GPR161: variants seen among roughly 807,000 people sequenced by gnomAD.
GPR161 encodes the protein G protein-coupled receptor 161.
Under a neutral mutation model 39.2 loss-of-function variants are expected in GPR161, and 25 were observed. The ratio of observed to expected loss-of-function variants is 0.64; its 90% CI spans 0.47 to 0.89. The LOEUF is 0.89. Ranked by LOEUF, GPR161 falls within the 40% of genes least tolerant of loss-of-function variation. The probability of loss-of-function intolerance (pLI) is 0.00; values close to 1 mark genes in which losing one functional copy is unlikely to be tolerated. For synonymous variants in GPR161, 286 were observed against 276.6 expected (o/e 1.03, Z -0.34); for missense variants, 547 against 677.8 (o/e 0.81, Z 2.14).
At chr1:168,134,624 A>G (rs150906925) in intron 1 of GPR161, among the ~76,000 whole-genome samples, 62 of 152,336 alleles carry the variant, frequency 4.1e-4, no homozygotes, top group African/African-American at 1.2e-3. Flanking sequence ...GCCTGCACAC[A>G]TAATTTGGTT....
chr1:168,096,506 A>T lies in GPR161; in HGVS notation c.1099+2T>A, dbSNP rs1180113989. ...GGGCTATCCTAACAATGCCCAAGTT[A>T]CCTGTGATCCTGTTGGAAATGCTGA... On this transcript the variant is annotated splice_donor_variant, in intron 3 of 5. Transcript: ENST00000682931. LOFTEE classifies it high-confidence loss of function. 6.2e-7 allele frequency: 1 copy of T among 1,611,834 alleles called. No homozygotes were observed. The highest frequency in any genetic ancestry group is 1.7e-5 in the Admixed American group (1 of 59,880).
intron 1 of GPR161, among the ~76,000 whole-genome samples, chr1:168,123,097 T>A (rs2102238651): frequency 6.6e-6 from 1 of 152,312 alleles, no homozygotes; most frequent in South Asian, 2.1e-4. Context: ...TCCATTCTCC[T>A]CTTCTATCAA....
intron 3 of GPR161, among the ~76,000 whole-genome samples, chr1:168,092,206 G>A (rs1310178555): frequency 6.6e-6 from 1 of 152,190 alleles, no homozygotes; most frequent in Non-Finnish European, 1.5e-5. Flanking sequence ...TCCTCCCAAG[G>A]TCTCGGCCTG....
chr1:168,104,433 C>T (rs769801095), intron 2 of GPR161, 44 bp downstream of exon 2: 4 of 1,521,564 alleles, frequency 2.6e-6, no homozygotes, highest in East Asian at 4.5e-5. Context: ...CAGATGAGCG[C>T]CCGTCAGTAA....
At chr1:168,134,784 C>T (rs1047896255) in intron 1 of GPR161, 35 of 822,362 alleles carry the variant, frequency 4.3e-5, no homozygotes, top group Non-Finnish European at 6.7e-5. Flanking sequence ...CAGCTGCCCC[C>T]TTACTGGAGA....
intron 1 of GPR161, chr1:168,136,465 G>C: frequency 3.1e-6 from 4 of 1,273,634 alleles, no homozygotes; most frequent in Non-Finnish European, 3.0e-6. Flanking sequence ...GCAGAATGGG[G>C]TGGGCCTCTC....
At chr1:168,126,784 GT>G (rs1379226379) in intron 1 of GPR161, among the ~76,000 whole-genome samples, 2 of 152,208 alleles carry the variant, frequency 1.3e-5, no homozygotes, top group Non-Finnish European at 2.9e-5. Context: ...AGGTGAGGAT[GT>G]TTTCCCTTCC....
Position 168,085,566 on chromosome 1 carries a change from C to T in GPR161, c.1555G>A (p.Glu519Lys), listed in dbSNP as rs754398620. 3.0e-5 allele frequency: 49 copies of T among 1,613,804 alleles called. No homozygotes were observed. The highest frequency in any genetic ancestry group is 1.2e-4 in the Admixed American group (7 of 59,996). The change falls in exon 6 of 6, where the codon GAA becomes AAA. Residue 519 changes from glutamate to lysine, a missense_variant. By Grantham distance (56) the Glu-to-Lys change is moderately conservative (BLOSUM62 1). Coordinates refer to ENST00000682931, the MANE Select transcript of GPR161 (RefSeq NM_001375883.1). ...VSQRLQLQSIEEGDVLAAEQR is the reference protein window; with the variant it reads ...VSQRLQLQSIKEGDVLAAEQR Reference sequence around the variant, plus strand: ...TCGGCAGCTAAAACATCTCCTTCTTCGATGCTCTGCAACTGCAGCCTCTGG... The same window carrying T: ...TCGGCAGCTAAAACATCTCCTTCTTTGATGCTCTGCAACTGCAGCCTCTGG...
Position 168,096,496 on chromosome 1 carries a change from T to C in GPR161, c.1099+12A>G, listed in dbSNP as rs1206818846. The C allele has an allele frequency of 6.2e-7, 1 of 1,609,410 alleles. No individual in the cohort carries two copies. The highest frequency in any genetic ancestry group is 1.1e-5 in the South Asian group (1 of 89,976). ...TGCCTCGGAGGGGCTATCCTAACAA[T>C]GCCCAAGTTACCTGTGATCCTGTTG... On this transcript the variant is annotated intron_variant, in intron 3 of 5. Coordinates refer to ENST00000682931, the MANE Select transcript of GPR161 (RefSeq NM_001375883.1).
intron 2 of GPR161, 78 bp from the exon 3 acceptor site, chr1:168,097,310 C>G: frequency 1.4e-6 from 2 of 1,463,610 alleles, no homozygotes; most frequent in Non-Finnish European, 1.9e-6. Flanking sequence ...GTCAGGGGCT[C>G]CCATGACTGG....
At chr1:168,111,506 G>A (rs765879486) in intron 1 of GPR161, among the ~76,000 whole-genome samples, 1 of 152,202 alleles carries the variant, frequency 6.6e-6, no homozygotes, top group Non-Finnish European at 1.5e-5. Flanking sequence ...AATGACCCTA[G>A]TGGCAAAGAC....
chr1:168,098,846 C>T lies in GPR161; in HGVS notation c.375-1614G>A, dbSNP rs149246760. Among the ~76,000 whole-genome samples the T allele has an allele frequency of 6.6e-3, 1,008 of 152,306 alleles. 2 individuals carry two copies. The highest frequency in any genetic ancestry group is 0.014 in the Admixed American group (209 of 15,304). On this transcript the variant is annotated intron_variant, in intron 2 of 5. Coordinates refer to ENST00000682931, the MANE Select transcript of GPR161 (RefSeq NM_001375883.1). The surrounding 1 kb of genome is among the most constrained non-coding windows in gnomAD (Gnocchi z 4.1). ...ATCTGGGCTTGCATCTTGCAAAGGCCGTGCAGCCCAAGGGAAAAAGCATGC... is the reference window on the plus strand; with the variant it reads ...ATCTGGGCTTGCATCTTGCAAAGGCTGTGCAGCCCAAGGGAAAAAGCATGC...
In GPR161 at chr1:168,119,243, C is replaced by CAT. The variant is rs1356587338; in HGVS notation, c.-44-14350_-44-14349insAT. 3.0e-5 allele frequency among the ~76,000 whole-genome samples: 3 copies of CAT among 101,598 alleles called. 1 individual carries two copies. Among genetic ancestry groups the CAT allele is most frequent in the African/African-American group, 1.5e-4 (3 of 19,698 alleles). The allele number at this position is 101,598 out of a possible 152,430, so 66.7% of individuals were successfully genotyped here. A position where few individuals can be genotyped will look rare whatever the true frequency, so the allele number is the denominator to read the frequency against. On this transcript the variant is annotated intron_variant, in intron 1 of 5. Coordinates refer to ENST00000682931, the MANE Select transcript of GPR161 (RefSeq NM_001375883.1). ...ATATATATACGTATATATATATATA[C>CAT]ACATATATATATACGTATATATATG...
rs1310908929 is a variant in GPR161 at position 168,096,575 on chromosome 1, A to C, written c.1032T>G (p.Tyr344Ter). The C allele has an allele frequency of 8.1e-6, 13 of 1,614,056 alleles. No homozygotes were observed. The highest frequency in any genetic ancestry group is 1.1e-5 in the Non-Finnish European group (13 of 1,180,018). The change falls in exon 3 of 6, where the codon TAT (tyrosine) becomes TAG (stop). Residue 344 changes from tyrosine (Y) to a stop codon, truncating the protein, a stop_gained. Coordinates refer to ENST00000682931, the MANE Select transcript of GPR161 (RefSeq NM_001375883.1). LOFTEE classifies it high-confidence loss of function. ...ELLGMCFGDRYYREPFVQRQR... is the reference protein window; with the variant it reads ...ELLGMCFGDR Reference sequence around the variant, plus strand: ...GTCGTTGCACAAATGGTTCCCGATAATACCGGTCCCCAAAGCACATGCCCA... The same window carrying C: ...GTCGTTGCACAAATGGTTCCCGATACTACCGGTCCCCAAAGCACATGCCCA...
At chr1:168,123,555 C>T (rs1698361581) in intron 1 of GPR161, among the ~76,000 whole-genome samples, 1 of 149,820 alleles carries the variant, frequency 6.7e-6, no homozygotes, top group Non-Finnish European at 1.5e-5. Context: ...CACACACACA[C>T]ACACACACAC....
Position 168,085,040 on chromosome 1 carries a change from C to T in GPR161, c.*491G>A, listed in dbSNP as rs1221905432. ...TGCCCGCATCAACCATGTAGAGGCA[C>T]CAGGACGGTCGCGTGTCATTAGGAA... On this transcript the variant is annotated 3_prime_UTR_variant, in exon 6 of 6. Transcript: ENST00000682931. 1 of 456,374 alleles carries T rather than the reference C, an allele frequency of 2.2e-6. No homozygotes were observed. Among genetic ancestry groups the T allele is most frequent in the Non-Finnish European group, 4.4e-6 (1 of 227,070 alleles). The allele number at this position is 456,374 out of a possible 1,614,324, so 28.3% of individuals were successfully genotyped here.
chr1:168,120,164 T>A (rs921298013), intron 1 of GPR161, among the ~76,000 whole-genome samples: 13 of 152,224 alleles, frequency 8.5e-5, no homozygotes, highest in African/African-American at 2.7e-4. Flanking sequence ...CCACAGAGGC[T>A]GTACCCTGAA....
At chr1:168,109,753 A>C (rs1241996728) in intron 1 of GPR161, among the ~76,000 whole-genome samples, 1 of 151,890 alleles carries the variant, frequency 6.6e-6, no homozygotes, top group Non-Finnish European at 1.5e-5. Flanking sequence ...GATCACCTGA[A>C]GTCAGGAGTT....
chr1:168,096,157 AAAAG>A (rs1476219793), intron 3 of GPR161, among the ~76,000 whole-genome samples: 2,707 of 145,538 alleles, frequency 0.019, 129 homozygotes, highest in African/African-American at 0.07. Context: ...AAAAAAAAAA[AAAAG>A]AGAGAGAGAA....
Sources: allele counts gnomAD v4.1 joint callset (sites outside exome capture counted in the v4.1 genomes callset), GRCh38; gene constraint gnomAD v4.1.1; non-coding constraint Gnocchi (gnomAD v3.1); transcripts MANE v1.5; gene names NCBI Gene and HGNC (gene_info 2026-07-23, HGNC 2026-07-21).